The following CAMTA1 variants were observed in gnomAD, a reference collection of about 807,000 sequenced individuals.
CAMTA1 encodes the protein calmodulin-binding transcription activator 1.
A neutral mutation model predicts 170.9 loss-of-function variants in CAMTA1; 27 were observed. The observed-to-expected ratio is 0.16, with a 90% CI of 0.12 to 0.22. The LOEUF is 0.22. CAMTA1 is among the 10% of genes least tolerant of loss of function. The pLI is 1.00. For synonymous variants in CAMTA1, 833 were observed against 891.5 expected (o/e 0.93, Z 1.17); for missense variants, 1,619 against 2,217.2 (o/e 0.73, Z 5.42).
intron 3 of CAMTA1, among the ~76,000 whole-genome samples, chr1:6,864,108 A>G (rs879668998): frequency 2.0e-5 from 3 of 152,170 alleles, no homozygotes; most frequent in Non-Finnish European, 4.4e-5. Context: ...ATGATTTACT[A>G]CTGATGATAT....
chr1:7,071,628 C>T lies in CAMTA1; in HGVS notation c.235-19676C>T, dbSNP rs565473926. ...GAAAGACTAAAAATGGACCGATTTA[C>T]GCACTTTTTAAAAAGCCAATTAATA... On this transcript the variant is annotated intron_variant, in intron 3 of 22. Transcript: ENST00000303635. Among the ~76,000 whole-genome samples, 14 of 152,276 alleles carry T rather than the reference C, an allele frequency of 9.2e-5. No individual in the cohort carries two copies. In the South Asian group the frequency reaches 1.4e-3, roughly 16 times the overall value.
chr1:6,899,501 G>A (rs923466306), intron 3 of CAMTA1, among the ~76,000 whole-genome samples: 5 of 152,158 alleles, frequency 3.3e-5, no homozygotes, highest in Admixed American at 6.5e-5. Flanking sequence ...TGGAGTGCTT[G>A]AGAGTTACTT....
intron 3 of CAMTA1, among the ~76,000 whole-genome samples, chr1:6,910,091 A>G (rs1679378068): frequency 6.6e-6 from 1 of 152,178 alleles, no homozygotes; most frequent in South Asian, 2.1e-4. Flanking sequence ...CTATATATTG[A>G]CTAGGTGTTT....
At chr1:6,936,627 G>A (rs1685351930) in intron 3 of CAMTA1, among the ~76,000 whole-genome samples, 1 of 152,198 alleles carries the variant, frequency 6.6e-6, no homozygotes, top group African/African-American at 2.4e-5. Context: ...TCTGGCTTAT[G>A]GATTTGGGCT....
At chr1:7,618,369 G>A (rs967471799) in intron 6 of CAMTA1, among the ~76,000 whole-genome samples, 1 of 152,176 alleles carries the variant, frequency 6.6e-6, no homozygotes, top group Non-Finnish European at 1.5e-5. Flanking sequence ...TCTAGGATCG[G>A]GAGGCCCTCT....
At chr1:7,233,986 C>G (rs1332438303) in intron 4 of CAMTA1, among the ~76,000 whole-genome samples, 2 of 152,152 alleles carry the variant, frequency 1.3e-5, no homozygotes. Flanking sequence ...GTTGCACTCT[C>G]CAGGTTAATT....
intron 5 of CAMTA1, among the ~76,000 whole-genome samples, chr1:7,410,821 C>G (rs1036922090): frequency 6.6e-6 from 1 of 152,026 alleles, no homozygotes; most frequent in South Asian, 2.1e-4. Context: ...CCACACGGGG[C>G]GCTCTGCTGG....
intron 11 of CAMTA1, among the ~76,000 whole-genome samples, chr1:7,697,806 C>T (rs972614251): frequency 1.3e-5 from 2 of 152,216 alleles, no homozygotes; most frequent in Non-Finnish European, 2.9e-5. Context: ...AGGATGACGC[C>T]AATCATGGCA....
At chr1:6,802,060 T>C (rs1257739944) in intron 1 of CAMTA1, among the ~76,000 whole-genome samples, 1 of 152,156 alleles carries the variant, frequency 6.6e-6, no homozygotes, top group Non-Finnish European at 1.5e-5. Context: ...AGCCACACAG[T>C]TTAGGCCAAG....
At chr1:6,825,256 AT>A in intron 3 of CAMTA1, 46 bp downstream of exon 3, 1 of 1,015,298 alleles carries the variant, frequency 9.8e-7, no homozygotes, top group Non-Finnish European at 1.5e-6. Flanking sequence ...TTAAGGGCAA[AT>A]TTTTTAGGTT....
intron 6 of CAMTA1, among the ~76,000 whole-genome samples, chr1:7,564,724 G>C (rs1298126717): frequency 6.6e-6 from 1 of 152,140 alleles, no homozygotes; most frequent in Non-Finnish European, 1.5e-5. Context: ...GTCCAGTGGA[G>C]TGAGGGCTCA....
At chr1:6,788,096 C>G (rs1339058321) in intron 1 of CAMTA1, among the ~76,000 whole-genome samples, 1 of 152,168 alleles carries the variant, frequency 6.6e-6, no homozygotes, top group Non-Finnish European at 1.5e-5. Context: ...AAGTTCTTTT[C>G]TCTTGGACAG....
chr1:6,994,360 T>C (rs1270639326), intron 3 of CAMTA1, among the ~76,000 whole-genome samples: 1 of 152,200 alleles, frequency 6.6e-6, no homozygotes, highest in Non-Finnish European at 1.5e-5. Context: ...GAAGATTTGC[T>C]GGTGGTGAAT....
intron 6 of CAMTA1, among the ~76,000 whole-genome samples, chr1:7,506,989 ACT>A (rs934111856): frequency 6.7e-6 from 1 of 149,550 alleles, no homozygotes; most frequent in African/African-American, 2.6e-5. Context: ...TGATACTGAC[ACT>A]CAAAATTCAC....
intron 3 of CAMTA1, among the ~76,000 whole-genome samples, chr1:6,996,003 G>T (rs1697195432): frequency 6.6e-6 from 1 of 152,240 alleles, no homozygotes; most frequent in Non-Finnish European, 1.5e-5. Flanking sequence ...AGGGAGGCGG[G>T]TGTGGCGTGG....
At chr1:7,232,778 A>G (rs1327809727) in intron 4 of CAMTA1, among the ~76,000 whole-genome samples, 1 of 152,168 alleles carries the variant, frequency 6.6e-6, no homozygotes, top group Non-Finnish European at 1.5e-5. Flanking sequence ...AACAAAGCGC[A>G]TTAAGAGGTT....
chr1:7,288,205 C>G (rs146163338), intron 5 of CAMTA1, among the ~76,000 whole-genome samples: 1 of 152,218 alleles, frequency 6.6e-6, no homozygotes. Context: ...ACACTCGTAG[C>G]GCTCTGCGTG....
At chr1:7,089,579 C>G (rs11120838) in intron 3 of CAMTA1, among the ~76,000 whole-genome samples, 4,041 of 141,222 alleles carry the variant, frequency 0.029, 95 homozygotes, top group African/African-American at 0.06. Context: ...CCATCCCATC[C>G]CATCCCATCC....
At chr1:7,236,517 G>A (rs1663893784) in intron 4 of CAMTA1, among the ~76,000 whole-genome samples, 2 of 152,234 alleles carry the variant, frequency 1.3e-5, no homozygotes, top group Admixed American at 6.5e-5. Context: ...GACATCAGGA[G>A]GGGGTGCAGT....
Sources: gnomAD v4.1 joint callset for allele counts (sites outside exome capture counted in the v4.1 genomes callset) on GRCh38, gnomAD v4.1.1 for gene constraint, MANE v1.5 for transcripts, NCBI Gene and HGNC (gene_info 2026-07-23, HGNC 2026-07-21) for gene names.